NEK7: variants seen among roughly 807,000 people sequenced by gnomAD.
NEK7 encodes the protein NIMA related kinase 7.
A neutral mutation model predicts 44.6 loss-of-function variants in NEK7; 18 were observed. The observed-to-expected ratio is 0.40, with a 90% confidence interval of 0.28 to 0.60. The LOEUF is 0.60. Ranked by LOEUF, NEK7 falls within the 20% of genes least tolerant of loss-of-function variation. The pLI is 0.38. For missense variants in NEK7, 256 were observed against 366.5 expected (o/e 0.70, Z 2.46); for synonymous variants, 130 against 121.1 (o/e 1.07, Z -0.48).
At chr1:198,262,532 A>T (rs774708986) in intron 3 of NEK7, 43 bp from the exon 4 acceptor site, 51 of 1,197,416 alleles carry the variant, frequency 4.3e-5, no homozygotes, top group Non-Finnish European at 6.0e-5. Context: ...AGCTTGAACC[A>T]TAGGTTATTA....
intron 3 of NEK7, among the ~76,000 whole-genome samples, chr1:198,255,785 A>G (rs746807407): frequency 6.6e-6 from 1 of 152,180 alleles, no homozygotes; most frequent in Non-Finnish European, 1.5e-5. Context: ...GAAGACAGAA[A>G]TGATATTGTG....
At chr1:198,213,640 T>A (rs1349653801) in intron 1 of NEK7, among the ~76,000 whole-genome samples, 1 of 152,112 alleles carries the variant, frequency 6.6e-6, no homozygotes, top group African/African-American at 2.4e-5. Context: ...GCCTGTCTGA[T>A]CTCAATAGCC....
intron 5 of NEK7, 118 bp downstream of exon 5, chr1:198,264,353 T>A: frequency 1.5e-6 from 1 of 678,570 alleles, no homozygotes; most frequent in Non-Finnish European, 2.5e-6. Flanking sequence ...GCAAAGCTTA[T>A]CTGATAGATA....
chr1:198,248,020 GT>G (rs1376896276), intron 2 of NEK7, among the ~76,000 whole-genome samples: 1 of 152,048 alleles, frequency 6.6e-6, no homozygotes, highest in Non-Finnish European at 1.5e-5. Context: ...TCATTAGAGG[GT>G]GCACTAGCCT....
chr1:198,228,678 T>G (rs143410790), intron 1 of NEK7, among the ~76,000 whole-genome samples: 1,697 of 152,290 alleles, frequency 0.011, 19 homozygotes, highest in Middle Eastern at 0.041. Flanking sequence ...TTGTCTGTTA[T>G]TGGTGTATAA....
intron 1 of NEK7, among the ~76,000 whole-genome samples, chr1:198,212,686 C>A (rs1334556285): frequency 6.6e-6 from 1 of 152,178 alleles, no homozygotes; most frequent in Non-Finnish European, 1.5e-5. Flanking sequence ...CATTTGGGAG[C>A]TCCATGGCCC....
chr1:198,320,618 T>A lies in NEK7; in HGVS notation c.*1096T>A, dbSNP rs1021611955. 1.3e-5 allele frequency: 2 copies of A among 152,198 alleles called. No homozygotes were observed. The highest frequency in any genetic ancestry group is 1.9e-4 in the East Asian group (1 of 5,206). The allele number at this position is 152,198 out of a possible 1,614,324, so 9.4% of individuals were successfully genotyped here. On this transcript the variant is annotated 3_prime_UTR_variant, in exon 10 of 10. Transcript: ENST00000367385. Reference sequence around the variant, plus strand: ...CTTTTCCTGGATTGAAAACTTTTTTTAAACTTTTTAAAATTTGGGCCACTC... The same window carrying A: ...CTTTTCCTGGATTGAAAACTTTTTTAAAACTTTTTAAAATTTGGGCCACTC...
At chr1:198,223,538 A>G (rs1666127904) in intron 1 of NEK7, among the ~76,000 whole-genome samples, 1 of 152,184 alleles carries the variant, frequency 6.6e-6, no homozygotes, top group Admixed American at 6.6e-5. Flanking sequence ...AAGGAAAAGC[A>G]TTTCTGCAGT....
intron 2 of NEK7, among the ~76,000 whole-genome samples, chr1:198,238,200 C>G (rs80238708): frequency 0.012 from 1,901 of 152,214 alleles, 33 homozygotes; most frequent in Middle Eastern, 0.034. Context: ...ACTTCTCCCC[C>G]CCAGGACACT....
At chr1:198,204,410 T>C (rs2102799768) in intron 1 of NEK7, among the ~76,000 whole-genome samples, 1 of 152,282 alleles carries the variant, frequency 6.6e-6, no homozygotes, top group Non-Finnish European at 1.5e-5. Flanking sequence ...GTTAGATCTG[T>C]ATTTGTTATT....
At chr1:198,313,385 CTT>C (rs1374730340) in intron 9 of NEK7, among the ~76,000 whole-genome samples, 3 of 149,646 alleles carry the variant, frequency 2.0e-5, no homozygotes, top group Non-Finnish European at 3.0e-5. Context: ...GGTCTTGACT[CTT>C]TATCCAATTT....
At chr1:198,315,380 A>G (rs1655334987) in intron 9 of NEK7, among the ~76,000 whole-genome samples, 2 of 152,330 alleles carry the variant, frequency 1.3e-5, no homozygotes, top group South Asian at 2.1e-4. Context: ...ATGGAAATGC[A>G]GAAATCACCC....
intron 2 of NEK7, 99 bp from the exon 3 acceptor site, chr1:198,252,941 T>TA (rs1653120634): frequency 3.1e-6 from 3 of 982,072 alleles, no homozygotes; most frequent in Non-Finnish European, 4.6e-6. Flanking sequence ...TCTGCAAACT[T>TA]ACCCTATGTG....
intron 2 of NEK7, among the ~76,000 whole-genome samples, chr1:198,249,996 G>A (rs186689464): frequency 7.1e-6 from 1 of 140,432 alleles, no homozygotes; most frequent in Admixed American, 7.3e-5. Flanking sequence ...TTTCTTCTAG[G>A]CTTTTTATGG....
At chr1:198,160,422 C>T (rs921998984) in intron 1 of NEK7, among the ~76,000 whole-genome samples, 1 of 152,058 alleles carries the variant, frequency 6.6e-6, no homozygotes. Context: ...GCACTCTGTC[C>T]TCATTCCCGG....
chr1:198,289,110 A>AT (rs1357061625), intron 7 of NEK7, among the ~76,000 whole-genome samples: 1 of 149,324 alleles, frequency 6.7e-6, no homozygotes, highest in African/African-American at 2.5e-5. Flanking sequence ...AAGAATGGAA[A>AT]TTAAGTCCTA....
At chr1:198,284,109 A>G (rs991694784) in intron 7 of NEK7, among the ~76,000 whole-genome samples, 38 of 152,192 alleles carry the variant, frequency 2.5e-4, no homozygotes, top group African/African-American at 7.9e-4. Context: ...AAATCATTCA[A>G]CTCTCTAAAA....
At position 198,294,198 on chromosome 1, in the gene NEK7, T is replaced by A. The variant is rs564687660; in HGVS notation, c.684+1159T>A. Among the ~76,000 whole-genome samples, 3 of 152,112 alleles carry A rather than the reference T, an allele frequency of 2.0e-5. No homozygotes were observed. The East Asian group carries it at 5.8e-4, about 29-fold the overall frequency. ...TTAAAATGAAAGGATTTTTAAATATTCTTAAATAAACTCATACTTTGGATA... is the reference window on the plus strand; with the variant it reads ...TTAAAATGAAAGGATTTTTAAATATACTTAAATAAACTCATACTTTGGATA... On this transcript the variant is annotated intron_variant, in intron 8 of 9. Transcript: ENST00000367385.
At chr1:198,268,902 CTCT>C (rs1030341970) in intron 5 of NEK7, among the ~76,000 whole-genome samples, 4 of 152,054 alleles carry the variant, frequency 2.6e-5, no homozygotes, top group African/African-American at 4.8e-5. Context: ...ACCTGGGATG[CTCT>C]TCTTCTCCAT....
Sources: allele counts gnomAD v4.1 joint callset (sites outside exome capture counted in the v4.1 genomes callset), GRCh38; gene constraint gnomAD v4.1.1; transcripts MANE v1.5; gene names NCBI Gene and HGNC (gene_info 2026-07-23, HGNC 2026-07-21).